SPOCK3: variants seen among roughly 807,000 people sequenced by gnomAD.
The protein encoded by SPOCK3 is SPARC (osteonectin), cwcv and kazal like domains proteoglycan 3, also known as testican-3.
Under a neutral mutation model 56.6 loss-of-function variants are expected in SPOCK3, and 30 were observed. That is an observed-to-expected ratio of 0.53 (90% CI 0.40 to 0.72). SPOCK3 has a LOEUF of 0.72. SPOCK3 is among the 30% of genes least tolerant of loss of function. SPOCK3 has a pLI of 0.00. For synonymous variants in SPOCK3, 196 were observed against 183.3 expected, an observed-to-expected ratio of 1.07 and a Z score of -0.56; for missense variants, 527 against 530.0, an observed-to-expected ratio of 0.99 and a Z score of 0.06.
chr4:167,191,950 T>C (rs1732503276), intron 2 of SPOCK3, among the ~76,000 whole-genome samples: 2 of 145,472 alleles, frequency 1.4e-5, no homozygotes, highest in South Asian at 4.3e-4. Flanking sequence ...TGAAGTACAT[T>C]CCTTCTTTAC....
At position 166,954,134 on chromosome 4, in the gene SPOCK3, T is replaced by G. The variant is rs142624392; in HGVS notation, c.351-41391A>C. 2.7e-4 allele frequency among the ~76,000 whole-genome samples: 41 copies of G among 152,242 alleles called. 1 individual carries two copies. The East Asian group carries it at 7.4e-3, about 27-fold the overall frequency. On this transcript the variant is annotated intron_variant, in intron 4 of 10. Transcript: ENST00000357545. ...GTATATTGCCCATTTTTAAATCAGGTTGTTTTCTATTGAGTTATCTGAGTT... is the reference window on the plus strand; with the variant it reads ...GTATATTGCCCATTTTTAAATCAGGGTGTTTTCTATTGAGTTATCTGAGTT...
intron 3 of SPOCK3, among the ~76,000 whole-genome samples, chr4:167,031,866 A>G (rs1752308035): frequency 6.6e-6 from 1 of 152,042 alleles, no homozygotes; most frequent in African/African-American, 2.4e-5. Flanking sequence ...GCTGCCATTC[A>G]AATTCAGTTC....
intron 8 of SPOCK3, 84 bp from the exon 9 acceptor site, chr4:166,742,143 T>A: frequency 1.0e-6 from 1 of 1,004,108 alleles, no homozygotes; most frequent in Non-Finnish European, 1.6e-6. Flanking sequence ...CTTCACTTAG[T>A]CTTTTTGTGC....
chr4:166,951,611 T>C (rs7440203), intron 4 of SPOCK3, among the ~76,000 whole-genome samples: 85,144 of 118,724 alleles, frequency 0.72, 32,196 homozygotes, highest in East Asian at 0.91. Context: ...ATACCAAAGC[T>C]GGGCAGAGAC....
At chr4:166,854,636 C>G (rs1424899025) in intron 6 of SPOCK3, among the ~76,000 whole-genome samples, 2 of 151,974 alleles carry the variant, frequency 1.3e-5, no homozygotes, top group African/African-American at 4.8e-5. Context: ...AATATGTTAT[C>G]AAAATTATAC....
intron 6 of SPOCK3, among the ~76,000 whole-genome samples, chr4:166,840,725 A>G (rs1405054536): frequency 1.3e-5 from 2 of 151,100 alleles, no homozygotes; most frequent in Non-Finnish European, 2.9e-5. Context: ...CACTTAAGAG[A>G]AGGAATAGGA....
chr4:166,847,052 T>G (rs947086565), intron 6 of SPOCK3, among the ~76,000 whole-genome samples: 3 of 151,942 alleles, frequency 2.0e-5, no homozygotes, highest in African/African-American at 7.3e-5. Flanking sequence ...ATAATCCCAC[T>G]AGCCATCAAG....
intron 4 of SPOCK3, among the ~76,000 whole-genome samples, chr4:166,940,186 G>T (rs767866885): frequency 6.6e-6 from 1 of 152,142 alleles, no homozygotes; most frequent in African/African-American, 2.4e-5. Flanking sequence ...CAAGAGAGAA[G>T]AAATATTTGT....
At chr4:166,979,922 T>C (rs1394788329) in intron 4 of SPOCK3, among the ~76,000 whole-genome samples, 2 of 152,232 alleles carry the variant, frequency 1.3e-5, no homozygotes, top group Admixed American at 6.5e-5. Flanking sequence ...AATGCAGCTC[T>C]AGATTCTTGC....
intron 8 of SPOCK3, among the ~76,000 whole-genome samples, chr4:166,752,039 T>C (rs1736435709): frequency 6.6e-6 from 1 of 152,100 alleles, no homozygotes; most frequent in East Asian, 1.9e-4. Flanking sequence ...TTTGTTGTTG[T>C]TGTTGTTGAG....
chr4:167,187,796 T>A (rs1292585133), intron 2 of SPOCK3, among the ~76,000 whole-genome samples: 1 of 152,174 alleles, frequency 6.6e-6, no homozygotes, highest in African/African-American at 2.4e-5. Flanking sequence ...CAGTGCTACT[T>A]TAGTAAACAT....
At chr4:166,944,748 A>C (rs959814776) in intron 4 of SPOCK3, among the ~76,000 whole-genome samples, 9 of 152,082 alleles carry the variant, frequency 5.9e-5, no homozygotes, top group Admixed American at 2.0e-4. Flanking sequence ...TTTTCCTTTC[A>C]GAGTGACAGT....
At chr4:167,217,096 T>C (rs1187719801) in intron 2 of SPOCK3, among the ~76,000 whole-genome samples, 1 of 152,182 alleles carries the variant, frequency 6.6e-6, no homozygotes, top group East Asian at 1.9e-4. Flanking sequence ...TGAAAAAAAA[T>C]TTATGTGGCT....
At chr4:166,919,116 G>T (rs1414753945) in intron 4 of SPOCK3, among the ~76,000 whole-genome samples, 4 of 152,038 alleles carry the variant, frequency 2.6e-5, no homozygotes, top group African/African-American at 9.7e-5. Context: ...CCAGTCTCAG[G>T]TATTCCTTTA....
intron 3 of SPOCK3, among the ~76,000 whole-genome samples, chr4:167,025,371 G>T (rs1317906071): frequency 6.6e-6 from 1 of 151,936 alleles, no homozygotes; most frequent in African/African-American, 2.4e-5. Flanking sequence ...GATGAAACTG[G>T]CAGTGTCTTA....
At chr4:166,899,292 A>AAC (rs1735767023) in intron 5 of SPOCK3, among the ~76,000 whole-genome samples, 1 of 145,886 alleles carries the variant, frequency 6.9e-6, no homozygotes, top group Non-Finnish European at 1.5e-5. Context: ...CTATCTATCT[A>AAC]TCTATCTATG....
intron 2 of SPOCK3, among the ~76,000 whole-genome samples, chr4:167,217,671 A>G (rs1735502072): frequency 6.6e-6 from 1 of 152,074 alleles, no homozygotes; most frequent in African/African-American, 2.4e-5. Context: ...ACAAAATTCT[A>G]TTAATATGTC....
chr4:167,061,032 G>T (rs766730494), intron 3 of SPOCK3, among the ~76,000 whole-genome samples: 5 of 151,942 alleles, frequency 3.3e-5, no homozygotes. Context: ...AAGTTAGTAG[G>T]TTAAAAACCT....
intron 4 of SPOCK3, among the ~76,000 whole-genome samples, chr4:166,957,168 C>G (rs544600999): frequency 6.6e-6 from 1 of 152,148 alleles, no homozygotes; most frequent in Non-Finnish European, 1.5e-5. Flanking sequence ...GTGGGAGGAT[C>G]ACTTGAGCCT....
Sources: allele counts gnomAD v4.1 joint callset (sites outside exome capture counted in the v4.1 genomes callset), GRCh38; gene constraint gnomAD v4.1.1; transcripts MANE v1.5; gene names NCBI Gene and HGNC (gene_info 2026-07-23, HGNC 2026-07-21).